The following CLDN16 variants were observed in gnomAD, a reference collection of about 807,000 sequenced individuals.
CLDN16 encodes claudin-16.
A neutral mutation model predicts 24.6 loss-of-function variants in CLDN16; 13 were observed. That is an observed-to-expected ratio of 0.53 (90% CI 0.34 to 0.84). CLDN16 has a LOEUF of 0.84. CLDN16 is among the 40% of genes least tolerant of loss of function. The probability of loss-of-function intolerance (pLI) is 0.01; values close to 1 mark genes in which losing one functional copy is unlikely to be tolerated. For synonymous variants in CLDN16, 116 were observed against 106.7 expected, an observed-to-expected ratio of 1.09 and a Z score of -0.54; for missense variants, 298 against 292.7, an observed-to-expected ratio of 1.02 and a Z score of -0.13.
chr3:190,390,000 G>T (rs1301029345), intron 1 of CLDN16, among the ~76,000 whole-genome samples: 2 of 152,136 alleles, frequency 1.3e-5, no homozygotes, highest in Non-Finnish European at 2.9e-5. Flanking sequence ...GTCAAACCTT[G>T]CTGAGAGAGA....
the CLDN16 span, among the ~76,000 whole-genome samples, chr3:190,311,220 T>C: frequency 6.6e-6 from 1 of 152,200 alleles, no homozygotes. Flanking sequence ...ATGTGGGAGT[T>C]ACAAGAAGGC....
chr3:190,322,342 C>T (rs536895119), upstream of CLDN16: 288 of 803,198 alleles, frequency 3.6e-4, 1 homozygote, highest in African/African-American at 4.3e-3. Flanking sequence ...GCTCGCTGCG[C>T]CGCCGCTGGA....
Position 190,388,317 on chromosome 3 carries a change from G to A in CLDN16, c.-13G>A. 1.2e-6 allele frequency: 2 copies of A among 1,614,104 alleles called. No homozygotes were observed. The highest frequency in any genetic ancestry group is 2.7e-5 in the African/African-American group (2 of 75,016). Reference sequence around the variant, plus strand: ...TCTGCCCATGTTGCCATCCTGATGGGCTGCTTGCCACAATGAGGGATCTTC... The same window carrying A: ...TCTGCCCATGTTGCCATCCTGATGGACTGCTTGCCACAATGAGGGATCTTC... On this transcript the variant is annotated 5_prime_UTR_variant, in exon 1 of 5. Transcript: ENST00000264734.
chr3:190,353,740 TGACAAA>T, intron 1 of CLDN16, among the ~76,000 whole-genome samples: 1 of 152,126 alleles, frequency 6.6e-6, no homozygotes, highest in East Asian at 1.9e-4. Flanking sequence ...GATAAGTTGC[TGACAAA>T]GAGCTGGTTC....
chr3:190,405,600 C>A (rs1001512093), intron 3 of CLDN16, among the ~76,000 whole-genome samples: 1 of 151,986 alleles, frequency 6.6e-6, no homozygotes, highest in African/African-American at 2.4e-5. Flanking sequence ...CTATACCCAC[C>A]ACCACCAACT....
At chr3:190,332,621 T>C (rs1276404574) in intron 1 of CLDN16, among the ~76,000 whole-genome samples, 10 of 152,214 alleles carry the variant, frequency 6.6e-5, no homozygotes, top group Non-Finnish European at 1.5e-4. Flanking sequence ...ACTTAAATTT[T>C]TCCACTATTA....
At chr3:190,300,330 C>G in the CLDN16 span, among the ~76,000 whole-genome samples, 1 of 151,806 alleles carries the variant, frequency 6.6e-6, no homozygotes, top group African/African-American at 2.4e-5. Context: ...TTATGGACAT[C>G]CTTTAAACAA....
At chr3:190,336,065 G>T (rs765009959) in intron 1 of CLDN16, among the ~76,000 whole-genome samples, 1 of 152,084 alleles carries the variant, frequency 6.6e-6, no homozygotes. Flanking sequence ...ATTATGGAAC[G>T]TGGAATTTGG....
At chr3:190,369,466 A>T (rs1197807652) in intron 1 of CLDN16, among the ~76,000 whole-genome samples, 1 of 151,990 alleles carries the variant, frequency 6.6e-6, no homozygotes, top group Non-Finnish European at 1.5e-5. Context: ...TGTCATTTTT[A>T]TTACACAACA....
the CLDN16 span, chr3:190,308,239 G>T: frequency 8.2e-5 from 132 of 1,609,712 alleles, 3 homozygotes; most frequent in East Asian, 1.2e-3. Context: ...GTCCATTTTC[G>T]GTTTGTTTCA....
At chr3:190,362,347 C>A (rs984693635) in intron 1 of CLDN16, among the ~76,000 whole-genome samples, 18 of 151,924 alleles carry the variant, frequency 1.2e-4, no homozygotes, top group Middle Eastern at 3.2e-3. Context: ...CTGACTCAAT[C>A]AGTTCTGCGA....
At position 190,404,845 on chromosome 3, in the gene CLDN16, G is replaced by A. The variant is rs944275084; in HGVS notation, c.301G>A (p.Asp101Asn). ...FGFLTLLLGL[D>N]CVKFLPDEPY... ...ATTTCTCACCCTGCTCCTTGGTCTT[G>A]ACTGCGTGAAATTCCTCCCTGATGA... Residue 101 changes from aspartate to asparagine, a missense_variant, in exon 3 of 5, where the codon GAC becomes AAC. Asp to Asn is a conservative substitution (Grantham distance 23, BLOSUM62 1). Transcript: ENST00000264734. 1 of 1,614,112 alleles carries A rather than the reference G, an allele frequency of 6.2e-7. No homozygotes were observed.
At chr3:190,366,419 A>G (rs4553958) in intron 1 of CLDN16, among the ~76,000 whole-genome samples, 142,787 of 151,868 alleles carry the variant, frequency 0.94, 67,164 homozygotes, top group East Asian at 1. Context: ...AGGTGATCTA[A>G]CTTTTTAAAA....
rs374875953 is a variant in CLDN16, at chr3:190,326,710, T to C, written n.121+4049T>C. Among the ~76,000 whole-genome samples, 4 of 152,250 alleles carry C rather than the reference T, an allele frequency of 2.6e-5. No homozygotes were observed. In the East Asian group the frequency reaches 5.8e-4, roughly 22 times the overall value. On this transcript the variant is annotated intron_variant and non_coding_transcript_variant, in intron 1 of 4. Coordinates refer to the CLDN16 transcript ENST00000468220. ...TCCCTTGTTTTCAGGGACATAAAAC[T>C]TCCCCCATAGATTGCCCCCTTAACT... is the stretch of plus-strand genomic sequence containing the variant.
At chr3:190,316,030 A>G in the CLDN16 span, among the ~76,000 whole-genome samples, 1 of 152,314 alleles carries the variant, frequency 6.6e-6, no homozygotes, top group East Asian at 1.9e-4. Context: ...TGTCAAATCT[A>G]TCTTGCCACT....
chr3:190,360,038 A>G (rs1353141124), intron 1 of CLDN16, among the ~76,000 whole-genome samples: 1 of 151,962 alleles, frequency 6.6e-6, no homozygotes, highest in Non-Finnish European at 1.5e-5. Context: ...CTGAGCTGAG[A>G]CTGAGGCTTG....
At chr3:190,397,167 C>T (rs1718841366) in intron 1 of CLDN16, among the ~76,000 whole-genome samples, 1 of 152,064 alleles carries the variant, frequency 6.6e-6, no homozygotes, top group Non-Finnish European at 1.5e-5. Flanking sequence ...TTTTGCTTTC[C>T]TCATGCTTGT....
chr3:190,350,527 C>T (rs1330342343), intron 1 of CLDN16, among the ~76,000 whole-genome samples: 3 of 152,036 alleles, frequency 2.0e-5, no homozygotes, highest in Non-Finnish European at 4.4e-5. Context: ...ATCAAGAGAA[C>T]ATGCAAAGGT....
intron 2 of CLDN16, among the ~76,000 whole-genome samples, chr3:190,402,650 G>A (rs1346143205): frequency 6.6e-6 from 1 of 152,088 alleles, no homozygotes; most frequent in Non-Finnish European, 1.5e-5. Context: ...TAAATTCATT[G>A]AGGGAAAAAT....
Sources: allele counts gnomAD v4.1 joint callset (sites outside exome capture counted in the v4.1 genomes callset), GRCh38; gene constraint gnomAD v4.1.1; transcripts MANE v1.5; gene names NCBI Gene and HGNC (gene_info 2026-07-23, HGNC 2026-07-21).